MAGI2: variants seen among roughly 807,000 people sequenced by gnomAD.
The protein encoded by MAGI2 is membrane-associated guanylate kinase, WW and PDZ domain-containing protein 2.
Under a neutral mutation model 133.3 loss-of-function variants are expected in MAGI2, and 35 were observed. That is an observed-to-expected ratio of 0.26 (90% CI 0.20 to 0.35). The LOEUF is 0.35. Among genes scored for constraint, MAGI2 ranks in the 10% least tolerant of loss-of-function variants. MAGI2 has a pLI of 1.00. For synonymous variants in MAGI2, 729 were observed against 710.6 expected (o/e 1.03, Z -0.41); for missense variants, 1,636 against 1,863.4 (o/e 0.88, Z 2.25).
At chr7:78,695,894 A>C (rs2151134740) in intron 2 of MAGI2, among the ~76,000 whole-genome samples, 1 of 152,274 alleles carries the variant, frequency 6.6e-6, no homozygotes, top group South Asian at 2.1e-4. Flanking sequence ...AGTTTTTAAA[A>C]GACTTTTCTG....
intron 1 of MAGI2, among the ~76,000 whole-genome samples, chr7:79,058,070 C>A (rs118039709): frequency 0.027 from 3,992 of 149,852 alleles, 75 homozygotes; most frequent in South Asian, 0.065. Context: ...TTGAGAAAAA[C>A]AAATGATAGA....
At chr7:78,106,128 A>G (rs6466029) in intron 20 of MAGI2, among the ~76,000 whole-genome samples, 111,869 of 152,014 alleles carry the variant, frequency 0.74, 41,199 homozygotes, top group East Asian at 0.78. Flanking sequence ...GTCTTTCTGT[A>G]CCTGGCTTAT....
At chr7:79,205,712 A>C (rs1015673038) in intron 1 of MAGI2, among the ~76,000 whole-genome samples, 4 of 151,690 alleles carry the variant, frequency 2.6e-5, no homozygotes, top group African/African-American at 9.7e-5. Context: ...TGTGGCTTTA[A>C]AAATTCAAAA....
intron 3 of MAGI2, among the ~76,000 whole-genome samples, chr7:78,572,035 A>C (rs1801550680): frequency 6.6e-6 from 1 of 152,240 alleles, no homozygotes; most frequent in South Asian, 2.1e-4. Flanking sequence ...TGCAAATTTA[A>C]AAGATGAAAG....
intron 1 of MAGI2, among the ~76,000 whole-genome samples, chr7:79,201,371 C>T (rs1828603138): frequency 1.3e-5 from 2 of 152,002 alleles, no homozygotes; most frequent in South Asian, 4.1e-4. Flanking sequence ...ATAAGAAAAA[C>T]AGAAGTGATC....
At chr7:78,285,175 A>G (rs947162867) in intron 9 of MAGI2, among the ~76,000 whole-genome samples, 2 of 152,090 alleles carry the variant, frequency 1.3e-5, no homozygotes, top group Non-Finnish European at 2.9e-5. Context: ...TTGCACTCCA[A>G]CAAATACCAA....
At chr7:78,039,824 G>A (rs976214147) in intron 21 of MAGI2, among the ~76,000 whole-genome samples, 2 of 152,200 alleles carry the variant, frequency 1.3e-5, no homozygotes, top group Non-Finnish European at 2.9e-5. Context: ...AAAGGTGCTC[G>A]AAACAAAGCA....
At chr7:78,269,100 C>A (rs1038911026) in intron 9 of MAGI2, among the ~76,000 whole-genome samples, 12 of 152,140 alleles carry the variant, frequency 7.9e-5, no homozygotes, top group Non-Finnish European at 1.6e-4. Context: ...CACGTCCCTG[C>A]AAAGGACATG....
chr7:79,231,805 C>T (rs951429648), intron 1 of MAGI2, among the ~76,000 whole-genome samples: 5 of 150,356 alleles, frequency 3.3e-5, no homozygotes, highest in African/African-American at 1.2e-4. Context: ...TGCCTAATTG[C>T]CCTGGCCAGA....
Position 79,377,886 on chromosome 7 carries a change from C to T in MAGI2, c.301+75134G>A, listed in dbSNP as rs114008521. On this transcript the variant is annotated intron_variant, in intron 1 of 21. Coordinates refer to ENST00000354212, the MANE Select transcript of MAGI2 (RefSeq NM_012301.4). Reference sequence around the variant, plus strand: ...CGAATACAGGTCACTTTTAGCTTTCCTCATCCTCACAGAAAACAGCACCAG... The same window carrying T: ...CGAATACAGGTCACTTTTAGCTTTCTTCATCCTCACAGAAAACAGCACCAG... Among the ~76,000 whole-genome samples, 178 of 151,894 alleles carry T rather than the reference C, an allele frequency of 1.2e-3. 1 individual carries two copies. The highest frequency in any genetic ancestry group is 4.1e-3 in the African/African-American group (171 of 41,494).
chr7:79,126,627 A>T (rs1323538224), intron 1 of MAGI2, among the ~76,000 whole-genome samples: 1 of 152,092 alleles, frequency 6.6e-6, no homozygotes, highest in African/African-American at 2.4e-5. Context: ...TTAATAGTCT[A>T]CTTTGAGTTG....
chr7:78,314,936 C>T (rs531476927), intron 9 of MAGI2, among the ~76,000 whole-genome samples: 6 of 152,046 alleles, frequency 3.9e-5, no homozygotes, highest in Admixed American at 3.9e-4. Flanking sequence ...TTGGGTATAC[C>T]CCTTTATTAC....
chr7:78,685,961 C>CTT (rs145080216), intron 2 of MAGI2, among the ~76,000 whole-genome samples: 2 of 122,468 alleles, frequency 1.6e-5, no homozygotes, highest in East Asian at 2.2e-4. Flanking sequence ...CTTTCTTTTT[C>CTT]TTTTTTTTCT....
In MAGI2 at chr7:78,120,859, G is replaced by A. The variant is rs569417378; in HGVS notation, c.3567+4835C>T. On this transcript the variant is annotated intron_variant, in intron 20 of 21. Transcript: ENST00000354212. ...TACTAAAAATACAAAAAATTAGCCG[G>A]GCGTAGTGGCGGGCGCCTGTAGTCC... 3.7e-3 allele frequency among the ~76,000 whole-genome samples: 559 copies of A among 150,632 alleles called. 2 individuals carry two copies. The highest frequency in any genetic ancestry group is 0.013 in the African/African-American group (524 of 41,072).
chr7:79,378,948 A>G (rs1437039268), intron 1 of MAGI2, among the ~76,000 whole-genome samples: 16 of 61,904 alleles, frequency 2.6e-4, no homozygotes, highest in African/African-American at 1.2e-3. Context: ...ATATATATAT[A>G]TATATATATA....
intron 1 of MAGI2, among the ~76,000 whole-genome samples, chr7:79,445,669 G>A (rs1848800204): frequency 6.6e-6 from 1 of 152,210 alleles, no homozygotes; most frequent in Non-Finnish European, 1.5e-5. Context: ...GGAAACAACA[G>A]GCGCTGGAGA....
chr7:79,093,724 T>A (rs910260768), intron 1 of MAGI2, among the ~76,000 whole-genome samples: 1 of 149,736 alleles, frequency 6.7e-6, no homozygotes, highest in African/African-American at 2.5e-5. Flanking sequence ...CTTTTTTTTT[T>A]TTTTTTTTAG....
intron 2 of MAGI2, among the ~76,000 whole-genome samples, chr7:78,782,096 T>C (rs563954938): frequency 6.6e-6 from 1 of 152,330 alleles, no homozygotes; most frequent in East Asian, 1.9e-4. Context: ...AAAAGGTTCA[T>C]TTCTAATGAG....
chr7:79,190,021 T>C (rs1003726139), intron 1 of MAGI2, among the ~76,000 whole-genome samples: 12 of 151,908 alleles, frequency 7.9e-5, no homozygotes, highest in Admixed American at 3.9e-4. Flanking sequence ...TCATATATTC[T>C]ACCTATTGAA....
Sources: gnomAD v4.1 joint callset for allele counts (sites outside exome capture counted in the v4.1 genomes callset) on GRCh38, gnomAD v4.1.1 for gene constraint, MANE v1.5 for transcripts, NCBI Gene and HGNC (gene_info 2026-07-23, HGNC 2026-07-21) for gene names.